Variants in MN1 observed in about 807,000 individuals in gnomAD.
MN1 encodes MN1 proto-oncogene, transcriptional regulator.
MN1 carries 19 observed loss-of-function variants against 86.9 expected under a neutral mutation model. That is an observed-to-expected ratio of 0.22 (90% confidence interval 0.15 to 0.32). The LOEUF (loss-of-function observed/expected upper bound fraction) is 0.32, where lower values mean the gene tolerates loss of function less well. Among genes scored for constraint, MN1 ranks in the 10% least tolerant of loss-of-function variants. The pLI is 1.00. For missense variants in MN1, 1,841 were observed against 1,862.0 expected, an observed-to-expected ratio of 0.99 and a Z score of 0.21; for synonymous variants, 928 against 849.6, an observed-to-expected ratio of 1.09 and a Z score of -1.60.
chr22:27,785,145 T>C (rs1382524280), intron 1 of MN1, among the ~76,000 whole-genome samples: 1 of 151,736 alleles, frequency 6.6e-6, no homozygotes, highest in Non-Finnish European at 1.5e-5. Flanking sequence ...ATTTGGGATA[T>C]GAAAACAAAC....
chr22:27,801,054 C>A lies in MN1; in HGVS notation c.-511G>T. 4.2e-6 allele frequency: 1 copy of A among 237,174 alleles called. No homozygotes were observed. The highest frequency in any genetic ancestry group is 5.1e-5 in the Admixed American group (1 of 19,482). The allele number at this position is 237,174 out of a possible 1,614,324, so 14.7% of individuals were successfully genotyped here. ...GGAGACCCTTCAAAGCCGCGGCTGG[C>A]GCCGGGCACCGACAGAGCGGTCCCT... On this transcript the variant is annotated 5_prime_UTR_variant, in exon 1 of 2. Coordinates refer to ENST00000302326, the MANE Select transcript of MN1 (RefSeq NM_002430.3).
Position 27,798,451 on chromosome 22 carries a change from G to C in MN1, c.2093C>G (p.Pro698Arg). Residue 698 changes from proline to arginine, a missense_variant, in exon 1 of 2, where the codon CCG becomes CGG. Pro to Arg is a moderately radical substitution (Grantham distance 103). Coordinates refer to ENST00000302326, the MANE Select transcript of MN1 (RefSeq NM_002430.3). ...GEGHVPALPS[P>R]GLQFGGSLGG... is the part of the protein sequence containing the mutation. The stretch of plus-strand genomic sequence containing the variant: ...CAGACTGCCCCCGAACTGCAGGCCC[G>C]GTGAAGGCAGCGCGGGCACGTGGCC... The C allele has an allele frequency of 1.3e-6, 2 of 1,562,066 alleles. No homozygotes were observed. The highest frequency in any genetic ancestry group is 1.7e-6 in the Non-Finnish European group (2 of 1,163,440).
rs1601345260 is a variant in MN1 at position 27,798,528 on chromosome 22, C to T, written c.2016G>A (p.Ser672=). 2.0e-6 allele frequency: 3 copies of T among 1,523,492 alleles called. No individual in the cohort carries two copies. The highest frequency in any genetic ancestry group is 1.4e-5 in the African/African-American group (1 of 71,734). The allele number at this position is 1,523,492 out of a possible 1,614,324, so 94.4% of individuals were successfully genotyped here. Residue 672 remains serine (S), a synonymous_variant, in exon 1 of 2, where the codon TCG becomes TCA. Coordinates refer to ENST00000302326, the MANE Select transcript of MN1 (RefSeq NM_002430.3). ...SLAPPPPPGG[S]GVLFRGPLQE... ...GCAGAGGGCCCCGGAACAGCACCCC[C>T]GAGCCACCAGGCGGAGGAGGGGGCG... is the stretch of plus-strand genomic sequence containing the variant.
Position 27,797,411 on chromosome 22 carries a change from C to T in MN1, c.3133G>A (p.Ala1045Thr). Reference sequence around the variant, plus strand: ...TAGCTCGTGCTCACCTCGTCCGAGGCGAACTCACCCACGTTTGGCGAACTA... The same window carrying T: ...TAGCTCGTGCTCACCTCGTCCGAGGTGAACTCACCCACGTTTGGCGAACTA... ...DSSSPNVGEF[A>T]SDEVSTSYAN... is the part of the protein sequence containing the mutation. The change falls in exon 1 of 2, where the codon GCC (alanine) becomes ACC (threonine). Residue 1045 changes from alanine (A) to threonine (T), a missense_variant. Coordinates refer to ENST00000302326, the MANE Select transcript of MN1 (RefSeq NM_002430.3). 1.9e-6 allele frequency: 3 copies of T among 1,611,438 alleles called. No individual in the cohort carries two copies. The highest frequency in any genetic ancestry group is 2.2e-5 in the East Asian group (1 of 44,850).
chr22:27,754,388 G>C (rs975864764), intron 1 of MN1, among the ~76,000 whole-genome samples: 10 of 152,196 alleles, frequency 6.6e-5, no homozygotes, highest in Non-Finnish European at 1.2e-4. Context: ...ATCAGTGGGG[G>C]TGCCCCTTCT....
chr22:27,767,966 G>T lies in MN1; in HGVS notation c.3782-16870C>A, dbSNP rs568306315. Among the ~76,000 whole-genome samples the T allele has an allele frequency of 3.9e-5, 6 of 152,236 alleles. No homozygotes were observed. In the South Asian group the frequency reaches 1.2e-3, roughly 32 times the overall value. ...TTCCTTTTTAAAGGATGCAGAAACA[G>T]GTTCAGAGACGTGGGGTGACTTGCC... On this transcript the variant is annotated intron_variant, in intron 1 of 1. Coordinates refer to ENST00000302326, the MANE Select transcript of MN1 (RefSeq NM_002430.3).
intron 1 of MN1, among the ~76,000 whole-genome samples, chr22:27,779,039 C>T (rs1019808418): frequency 1.2e-4 from 19 of 152,194 alleles, no homozygotes; most frequent in South Asian, 8.3e-4. Flanking sequence ...TCCCTGACCC[C>T]GAACCAGCCC....
At position 27,798,241 on chromosome 22, in the gene MN1, C is replaced by A; in HGVS notation, c.2303G>T (p.Ser768Ile). The change falls in exon 1 of 2, where the codon AGC becomes ATC. Residue 768 changes from serine to isoleucine, a missense_variant. Transcript: ENST00000302326. Reference protein sequence around the residue: ...HSGPGVNSPPSAGGGGGSSGG... With the variant: ...HSGPGVNSPPIAGGGGGSSGG... Reference sequence around the variant, plus strand: ...AGAGCTGCCACCGCCCCCTCCCGCGCTGGGGGGCGAGTTCACGCCTGGACC... The same window carrying A: ...AGAGCTGCCACCGCCCCCTCCCGCGATGGGGGGCGAGTTCACGCCTGGACC... 1 of 1,516,770 alleles carries A rather than the reference C, an allele frequency of 6.6e-7. No individual in the cohort carries two copies. Among genetic ancestry groups the A allele is most frequent in the Non-Finnish European group, 8.8e-7 (1 of 1,142,650 alleles). The allele number at this position is 1,516,770 out of a possible 1,614,324, so 94.0% of individuals were successfully genotyped here. A position where few individuals can be genotyped will look rare whatever the true frequency, so the allele number is the denominator to read the frequency against.
At chr22:27,792,524 G>T (rs1233268897) in intron 1 of MN1, among the ~76,000 whole-genome samples, 1 of 151,880 alleles carries the variant, frequency 6.6e-6, no homozygotes, top group Non-Finnish European at 1.5e-5. Context: ...GCAGATGTGT[G>T]TTAGGTTGGG....
chr22:27,772,766 C>T (rs1399491979), intron 1 of MN1, among the ~76,000 whole-genome samples: 2 of 151,962 alleles, frequency 1.3e-5, no homozygotes, highest in African/African-American at 4.8e-5. Context: ...GGTTTCCAGC[C>T]GCCAATAAGC....
At chr22:27,768,348 G>A (rs939445064) in intron 1 of MN1, among the ~76,000 whole-genome samples, 2 of 152,162 alleles carry the variant, frequency 1.3e-5, no homozygotes, top group African/African-American at 4.8e-5. Flanking sequence ...CCCCAGGGAG[G>A]CATGCAATGC....
chr22:27,753,051 G>T (rs1601320570), intron 1 of MN1, among the ~76,000 whole-genome samples: 1 of 152,350 alleles, frequency 6.6e-6, no homozygotes, highest in Non-Finnish European at 1.5e-5. Flanking sequence ...GACTAACTGG[G>T]CTTGGGGCCC....
At chr22:27,766,133 C>T (rs889055123) in intron 1 of MN1, among the ~76,000 whole-genome samples, 1 of 152,202 alleles carries the variant, frequency 6.6e-6, no homozygotes, top group East Asian at 1.9e-4. Context: ...AGGTGCAGCA[C>T]TTGCCTTCTC....
rs141654379 is a variant in MN1 at position 27,750,156 on chromosome 22, G to C, written c.*759C>G. 1 of 231,548 alleles carries C rather than the reference G, an allele frequency of 4.3e-6. No homozygotes were observed. Among genetic ancestry groups the C allele is most frequent in the African/African-American group, 2.2e-5 (1 of 45,260 alleles). 14.3% of individuals were successfully genotyped at this position (231,548 alleles called of 1,614,324 possible). On this transcript the variant is annotated 3_prime_UTR_variant, in exon 2 of 2. Transcript: ENST00000302326. Reference sequence around the variant, plus strand: ...AGAGCAGAGCTGGACACGTCCTCACGTCCATCGCAGAGAGGGGCGGCTTCC... The same window carrying C: ...AGAGCAGAGCTGGACACGTCCTCACCTCCATCGCAGAGAGGGGCGGCTTCC...
At chr22:27,774,980 G>C (rs1932958884) in intron 1 of MN1, among the ~76,000 whole-genome samples, 1 of 152,220 alleles carries the variant, frequency 6.6e-6, no homozygotes, top group Non-Finnish European at 1.5e-5. Context: ...GAGCCGGTAG[G>C]TGGGAGGCCC....
At chr22:27,794,259 T>C (rs1933254577) in intron 1 of MN1, among the ~76,000 whole-genome samples, 1 of 152,224 alleles carries the variant, frequency 6.6e-6, no homozygotes, top group Non-Finnish European at 1.5e-5. Flanking sequence ...ATGAAAAGTT[T>C]AATCATCCTT....
chr22:27,768,697 T>G (rs1295354260), intron 1 of MN1, among the ~76,000 whole-genome samples: 1 of 152,086 alleles, frequency 6.6e-6, no homozygotes, highest in African/African-American at 2.4e-5. Flanking sequence ...TCCCAGCACT[T>G]TGGGAGGCCA....
chr22:27,764,037 G>T (rs1027095224), intron 1 of MN1, among the ~76,000 whole-genome samples: 7 of 152,184 alleles, frequency 4.6e-5, no homozygotes, highest in African/African-American at 1.4e-4. Flanking sequence ...TTAGGGATGG[G>T]TGTGAAACGA....
intron 1 of MN1, among the ~76,000 whole-genome samples, chr22:27,783,172 T>C (rs1933077781): frequency 6.6e-6 from 1 of 151,422 alleles, no homozygotes; most frequent in South Asian, 2.1e-4. Context: ...TCTTGCTCTG[T>C]TGCCCAGGCT....
Sources: gnomAD v4.1 joint callset for allele counts (sites outside exome capture counted in the v4.1 genomes callset) on GRCh38, gnomAD v4.1.1 for gene constraint, MANE v1.5 for transcripts, NCBI Gene and HGNC (gene_info 2026-07-23, HGNC 2026-07-21) for gene names.